The following ARFGEF3 variants were observed in gnomAD, a reference collection of about 807,000 sequenced individuals.
ARFGEF3 encodes brefeldin A-inhibited guanine nucleotide-exchange protein 3.
ARFGEF3 carries 96 observed loss-of-function variants against 221.7 expected under a neutral mutation model. That is an observed-to-expected ratio of 0.43 (90% CI 0.37 to 0.51). ARFGEF3 has a LOEUF of 0.51. Among genes scored for constraint, ARFGEF3 ranks in the 20% least tolerant of loss-of-function variants. The pLI, the probability that ARFGEF3 is intolerant of heterozygous loss-of-function variation, is 0.00. For missense variants in ARFGEF3, 2,410 were observed against 2,789.9 expected, an observed-to-expected ratio of 0.86 and a Z score of 3.07; for synonymous variants, 1,145 against 1,126.8, an observed-to-expected ratio of 1.02 and a Z score of -0.32.
At chr6:138,201,917 T>C (rs1777544383) in intron 2 of ARFGEF3, among the ~76,000 whole-genome samples, 1 of 152,232 alleles carries the variant, frequency 6.6e-6, no homozygotes, top group African/African-American at 2.4e-5. Context: ...TAATTTCCCT[T>C]TGTCCATTGT....
intron 20 of ARFGEF3, among the ~76,000 whole-genome samples, chr6:138,295,441 G>A (rs1779490707): frequency 6.7e-6 from 1 of 150,292 alleles, no homozygotes; most frequent in South Asian, 2.1e-4. Flanking sequence ...CCAATATGGT[G>A]AAACCCTGTC....
intron 4 of ARFGEF3, among the ~76,000 whole-genome samples, chr6:138,212,515 C>G (rs1421488200): frequency 6.6e-6 from 1 of 152,234 alleles, no homozygotes; most frequent in African/African-American, 2.4e-5. Context: ...ATCCCATTAT[C>G]CCATTACTGG....
chr6:138,194,268 C>CAA (rs11349885), intron 2 of ARFGEF3, among the ~76,000 whole-genome samples: 1,149 of 92,952 alleles, frequency 0.012, 15 homozygotes, highest in African/African-American at 0.043. Flanking sequence ...ACTCCGTCTC[C>CAA]AAAAAAAAAA....
intron 12 of ARFGEF3, among the ~76,000 whole-genome samples, chr6:138,275,199 G>A (rs970518192): frequency 2.6e-5 from 4 of 152,050 alleles, no homozygotes; most frequent in African/African-American, 7.2e-5. Context: ...GGTAGAAAAC[G>A]TCTTGAGGCA....
chr6:138,269,677 G>A (rs1233099124), intron 12 of ARFGEF3, among the ~76,000 whole-genome samples: 1 of 152,060 alleles, frequency 6.6e-6, no homozygotes, highest in East Asian at 1.9e-4. Flanking sequence ...GCATGGTGGT[G>A]CGTGCCTGTA....
At chr6:138,218,351 AT>A (rs753935616) in intron 4 of ARFGEF3, 1 of 1,550,920 alleles carries the variant, frequency 6.4e-7, no homozygotes, top group South Asian at 1.2e-5. Context: ...TGTGAATAAT[AT>A]TGTGCATATC....
At chr6:138,188,701 A>G (rs1008206) in intron 2 of ARFGEF3, among the ~76,000 whole-genome samples, 22,992 of 152,262 alleles carry the variant, frequency 0.15, 2,132 homozygotes, top group East Asian at 0.4. Context: ...CCTTTAACAC[A>G]ACATTTATCC....
At chr6:138,310,578 C>T (rs1407431540) in intron 24 of ARFGEF3, among the ~76,000 whole-genome samples, 1 of 152,152 alleles carries the variant, frequency 6.6e-6, no homozygotes, top group Non-Finnish European at 1.5e-5. Context: ...AGAAACATGC[C>T]TCTTTGCTTC....
chr6:138,220,529 T>C (rs1290241719), intron 4 of ARFGEF3, among the ~76,000 whole-genome samples: 1 of 152,188 alleles, frequency 6.6e-6, no homozygotes, highest in Non-Finnish European at 1.5e-5. Context: ...TATCTGTAAT[T>C]TATATCTTTA....
chr6:138,265,097 G>A (rs573183054), intron 12 of ARFGEF3, among the ~76,000 whole-genome samples: 2 of 152,154 alleles, frequency 1.3e-5, no homozygotes, highest in East Asian at 1.9e-4. Flanking sequence ...TAGAGACAGG[G>A]TTTCGCTGTG....
In ARFGEF3 at chr6:138,334,567, G is replaced by A. The variant is rs1044142226; in HGVS notation, c.5721G>A (p.Leu1907=). 2.0e-5 allele frequency: 33 copies of A among 1,613,518 alleles called. No homozygotes were observed. Among genetic ancestry groups the A allele is most frequent in the Non-Finnish European group, 2.8e-5 (33 of 1,179,890 alleles). The change falls in exon 33 of 34, where the codon CTG becomes CTA. Residue 1907 remains leucine, a synonymous_variant. Coordinates refer to ENST00000251691, the MANE Select transcript of ARFGEF3 (RefSeq NM_020340.5). This position sits in a 1 kb window ranked among gnomAD's most constrained non-coding sequence, Gnocchi z 5.1. ...GGCTGGTCAAGAGGCTGCACAAGCT[G>A]TGCATGGAACTGTGCAACAACTACA... ...WVWLVKRLHK[L]CMELCNNYIQ... is the part of the protein sequence containing the mutation.
chr6:138,236,277 A>G (rs1778286069), intron 5 of ARFGEF3, among the ~76,000 whole-genome samples: 1 of 152,232 alleles, frequency 6.6e-6, no homozygotes, highest in Non-Finnish European at 1.5e-5. Context: ...TTAAAATGGC[A>G]GAGCTTATAG....
chr6:138,335,831 G>T lies in ARFGEF3; in HGVS notation c.6343-464G>T, dbSNP rs1188863569. ...AAAAAAGCAAAGTAAATATTGTGTGGTTATGCCAATGAATTTTTTTCAAAT... is the reference window on the plus strand; with the variant it reads ...AAAAAAGCAAAGTAAATATTGTGTGTTTATGCCAATGAATTTTTTTCAAAT... On this transcript the variant is annotated intron_variant, in intron 33 of 33. Coordinates refer to ENST00000251691, the MANE Select transcript of ARFGEF3 (RefSeq NM_020340.5). Among the ~76,000 whole-genome samples, 4 of 152,166 alleles carry T rather than the reference G, an allele frequency of 2.6e-5. No homozygotes were observed. In the East Asian group the frequency reaches 7.7e-4, roughly 29 times the overall value.
intron 31 of ARFGEF3, 131 bp downstream of exon 31, chr6:138,324,285 C>A: frequency 1.0e-6 from 1 of 1,004,676 alleles, no homozygotes; most frequent in East Asian, 2.5e-5. Context: ...TAGCTCCCAA[C>A]TCTTGCCACT....
intron 14 of ARFGEF3, among the ~76,000 whole-genome samples, chr6:138,282,157 G>A (rs1779207222): frequency 6.6e-6 from 1 of 152,204 alleles, no homozygotes; most frequent in South Asian, 2.1e-4. Flanking sequence ...GTTTCACCAT[G>A]TTGGCCAGGC....
Position 138,207,121 on chromosome 6 carries a change from C to T in ARFGEF3, c.217C>T (p.Gln73Ter). 1 of 1,609,286 alleles carries T rather than the reference C, an allele frequency of 6.2e-7. No individual in the cohort carries two copies. Among genetic ancestry groups the T allele is most frequent in the East Asian group, 2.2e-5 (1 of 44,786 alleles). ...GGCCCAACATGCTTTGGCAGGGATG[C>T]AGGTATGGCTTTGACTGAATGCAAT... is the stretch of plus-strand genomic sequence containing the variant. Reference protein sequence around the residue: ...KLAQHALAGMQKLLSEERFVS... With the variant: ...KLAQHALAGM Residue 73 changes from glutamine (Q) to a stop codon, truncating the protein, a stop_gained and splice_region_variant, in exon 3 of 34, where the codon CAG becomes TAG. Transcript: ENST00000251691. LOFTEE classifies it high-confidence loss of function.
At chr6:138,308,610 C>G (rs1343572998) in intron 23 of ARFGEF3, 129 bp from the exon 24 acceptor site, 1 of 1,022,904 alleles carries the variant, frequency 9.8e-7, no homozygotes, top group East Asian at 2.4e-5. Flanking sequence ...CAATAAAAAA[C>G]CCAGGCATCT....
At position 138,334,462 on chromosome 6, in the gene ARFGEF3, G is replaced by A. The variant is rs114544750; in HGVS notation, c.5616G>A (p.Pro1872=). 2.9e-4 allele frequency: 463 copies of A among 1,611,766 alleles called. 3 individuals are homozygous for A. In the African/African-American group the frequency reaches 5.7e-3, roughly 20 times the overall value. Residue 1872 remains proline (P), a synonymous_variant, in exon 33 of 34, where the codon CCG becomes CCA. Transcript: ENST00000251691. This position sits in a 1 kb window ranked among gnomAD's most constrained non-coding sequence, Gnocchi z 5.1. ...IFEETAQVSP[P]RGKEKRQWRA... is the part of the protein sequence containing the mutation. ...AGGAAACCGCCCAGGTCAGCCCCCC[G>A]AGAGGCAAGGAGAAGAGACAGTGGC...
In ARFGEF3 at chr6:138,333,994, G is replaced by C; in HGVS notation, c.5148G>C (p.Val1716=). The C allele has an allele frequency of 6.2e-7, 1 of 1,608,194 alleles. No homozygotes were observed. The highest frequency in any genetic ancestry group is 1.7e-4 in the Middle Eastern group (1 of 6,034). Residue 1716 remains valine, a synonymous_variant, in exon 33 of 34, where the codon GTG becomes GTC. Transcript: ENST00000251691. ...KKSVSFREIV[V]SLLSHQVLLQ... ...GCGTGTCTTTCAGGGAAATTGTGGT[G>C]AGCCTGCTGTCTCATCAGGTGTTAC...
Sources: allele counts gnomAD v4.1 joint callset (sites outside exome capture counted in the v4.1 genomes callset), GRCh38; gene constraint gnomAD v4.1.1; non-coding constraint Gnocchi (gnomAD v3.1); transcripts MANE v1.5; gene names NCBI Gene and HGNC (gene_info 2026-07-23, HGNC 2026-07-21).